The following DYM variants were observed in gnomAD, a reference collection of about 807,000 sequenced individuals.
DYM encodes dyggve-Melchior-Clausen syndrome protein.
DYM carries 78 observed loss-of-function variants against 93.1 expected under a neutral mutation model. The ratio of observed to expected loss-of-function variants is 0.84; its 90% CI spans 0.70 to 1.01. The LOEUF is 1.01. Among genes scored for constraint, DYM ranks in the 50% least tolerant of loss-of-function variants. DYM has a pLI of 0.00. For synonymous variants in DYM, 321 were observed against 319.7 expected, an observed-to-expected ratio of 1.00 and a Z score of -0.04; for missense variants, 789 against 845.0, an observed-to-expected ratio of 0.93 and a Z score of 0.82.
chr18:49,086,244 G>A (rs1267715259), intron 17 of DYM, among the ~76,000 whole-genome samples: 1 of 152,198 alleles, frequency 6.6e-6, no homozygotes, highest in Non-Finnish European at 1.5e-5. Flanking sequence ...CATCTGGTGA[G>A]GGTGTTCTTG....
At chr18:49,354,606 T>G (rs1309796561) in intron 6 of DYM, among the ~76,000 whole-genome samples, 1 of 151,810 alleles carries the variant, frequency 6.6e-6, no homozygotes, top group Non-Finnish European at 1.5e-5. Context: ...CACAACCCAA[T>G]TAAAAAGTGG....
At chr18:49,080,510 G>A (rs1457478535) in intron 17 of DYM, among the ~76,000 whole-genome samples, 2 of 146,706 alleles carry the variant, frequency 1.4e-5, no homozygotes, top group African/African-American at 5.0e-5. Context: ...GCCGGGCAGA[G>A]GGGCTCCTCA....
chr18:49,165,065 C>CA (rs1358032203), intron 14 of DYM, among the ~76,000 whole-genome samples: 1 of 151,856 alleles, frequency 6.6e-6, no homozygotes, highest in Non-Finnish European at 1.5e-5. Flanking sequence ...GACAAGTTAA[C>CA]AAAAGGATAC....
chr18:49,322,775 G>T (rs748731970), intron 8 of DYM, among the ~76,000 whole-genome samples: 6 of 151,982 alleles, frequency 3.9e-5, no homozygotes, highest in African/African-American at 1.5e-4. Flanking sequence ...ATATTACCAG[G>T]TAATAATATC....
chr18:49,108,971 G>C (rs1053628255), intron 16 of DYM, among the ~76,000 whole-genome samples: 1 of 151,374 alleles, frequency 6.6e-6, no homozygotes, highest in Non-Finnish European at 1.5e-5. Context: ...CTTTATCCCT[G>C]GTAATGCTCC....
intron 14 of DYM, among the ~76,000 whole-genome samples, chr18:49,188,105 T>A (rs1240758750): frequency 6.6e-6 from 1 of 152,186 alleles, no homozygotes; most frequent in East Asian, 1.9e-4. Context: ...AATACAAATA[T>A]CCCAGAGCTG....
intron 17 of DYM, among the ~76,000 whole-genome samples, chr18:49,047,025 T>C (rs1196836052): frequency 6.6e-6 from 1 of 152,192 alleles, no homozygotes; most frequent in Admixed American, 6.5e-5. Context: ...AAAGACTTTG[T>C]GGCAAGAGTT....
At chr18:49,077,184 C>T (rs934799917) in intron 17 of DYM, among the ~76,000 whole-genome samples, 14 of 152,130 alleles carry the variant, frequency 9.2e-5, no homozygotes, top group African/African-American at 1.4e-4. Context: ...TAAATTTCGT[C>T]GTTTGTATAC....
intron 8 of DYM, among the ~76,000 whole-genome samples, chr18:49,328,335 G>T (rs1257768390): frequency 6.6e-6 from 1 of 152,170 alleles, no homozygotes; most frequent in Non-Finnish European, 1.5e-5. Context: ...TCTTCATGGA[G>T]AAGGTGGAAC....
intron 15 of DYM, among the ~76,000 whole-genome samples, chr18:49,132,316 T>G (rs1251729371): frequency 6.6e-6 from 1 of 152,164 alleles, no homozygotes; most frequent in African/African-American, 2.4e-5. Flanking sequence ...TACTTTTGTG[T>G]ATGTTTGAAC....
intron 15 of DYM, among the ~76,000 whole-genome samples, chr18:49,130,902 T>C (rs1359205035): frequency 6.6e-6 from 1 of 152,182 alleles, no homozygotes; most frequent in African/African-American, 2.4e-5. Flanking sequence ...ACATAGGCCC[T>C]GGAGTCAGCC....
At chr18:49,194,954 G>C (rs975726752) in intron 14 of DYM, among the ~76,000 whole-genome samples, 1 of 152,026 alleles carries the variant, frequency 6.6e-6, no homozygotes, top group African/African-American at 2.4e-5. Flanking sequence ...AAACTTTTTG[G>C]GGGAGTGAGT....
At chr18:49,104,532 T>C (rs1239662358) in intron 16 of DYM, among the ~76,000 whole-genome samples, 3 of 152,232 alleles carry the variant, frequency 2.0e-5, no homozygotes, top group Admixed American at 6.5e-5. Flanking sequence ...CCATTCAGTA[T>C]GATACTGGCT....
intron 15 of DYM, among the ~76,000 whole-genome samples, chr18:49,162,504 A>G (rs1213182047): frequency 2.0e-5 from 3 of 152,038 alleles, no homozygotes; most frequent in Non-Finnish European, 4.4e-5. Context: ...TTAACTCACT[A>G]ATCTATTGAT....
At chr18:49,251,315 G>C (rs1433535368) in intron 13 of DYM, among the ~76,000 whole-genome samples, 1 of 152,180 alleles carries the variant, frequency 6.6e-6, no homozygotes, top group Non-Finnish European at 1.5e-5. Context: ...TGTGAACCAA[G>C]ACAGCAGCCA....
At chr18:49,423,854 T>C (rs983499355) in intron 2 of DYM, among the ~76,000 whole-genome samples, 7 of 152,292 alleles carry the variant, frequency 4.6e-5, no homozygotes, top group African/African-American at 9.6e-5. Flanking sequence ...CAGGAAGAAG[T>C]TGAATCCCTG....
intron 6 of DYM, among the ~76,000 whole-genome samples, chr18:49,351,194 G>C (rs1449044830): frequency 6.6e-6 from 1 of 152,000 alleles, no homozygotes; most frequent in Non-Finnish European, 1.5e-5. Context: ...GGCTGAAGAG[G>C]GCAGAACACT....
chr18:49,225,567 C>T (rs1305536037), intron 13 of DYM, among the ~76,000 whole-genome samples: 1 of 152,060 alleles, frequency 6.6e-6, no homozygotes, highest in Non-Finnish European at 1.5e-5. Context: ...AACCTCTTTA[C>T]AATATAACAT....
At chr18:49,104,135 G>A (rs1167535402) in intron 16 of DYM, among the ~76,000 whole-genome samples, 2 of 152,068 alleles carry the variant, frequency 1.3e-5, no homozygotes, top group African/African-American at 4.8e-5. Flanking sequence ...CACATCCCTT[G>A]TAAGTTGGAT....
Sources: gnomAD v4.1 joint callset for allele counts (sites outside exome capture counted in the v4.1 genomes callset) on GRCh38, gnomAD v4.1.1 for gene constraint, MANE v1.5 for transcripts, NCBI Gene and HGNC (gene_info 2026-07-23, HGNC 2026-07-21) for gene names.